The following WNK2 variants were observed in gnomAD, a reference collection of about 807,000 sequenced individuals.
WNK2 encodes the protein WNK lysine deficient protein kinase 2.
A neutral mutation model predicts 192.1 loss-of-function variants in WNK2; 67 were observed. The observed-to-expected ratio is 0.35, with a 90% confidence interval of 0.29 to 0.43. WNK2 has a LOEUF of 0.43. Among genes scored for constraint, WNK2 ranks in the 20% least tolerant of loss-of-function variants. The pLI is 1.00. For missense variants in WNK2, 2,698 were observed against 3,089.7 expected (o/e 0.87, Z 3.01); for synonymous variants, 1,439 against 1,393.9 (o/e 1.03, Z -0.72).
Position 93,293,092 on chromosome 9 carries a change from A to C in WNK2, c.5627A>C (p.Gln1876Pro). ...PTISVTSFHSQSSYISSDNDS... is the reference protein window; with the variant it reads ...PTISVTSFHSPSSYISSDNDS... ...ATCAGCGTGACCTCCTTCCATTCCC[A>C]GTCGTCCTACATCAGCAGCGACAAT... Residue 1876 changes from glutamine (Q) to proline (P), a missense_variant, in exon 23 of 30, where the codon CAG (glutamine) becomes CCG (proline). Gln to Pro is a moderately conservative substitution (Grantham distance 76). This residue lies in a region of WNK2 where 1,098 missense variants were observed against 1,101.0 expected (regional missense o/e 1.00). Coordinates refer to ENST00000427277, the MANE Select transcript of WNK2 (RefSeq NM_006648.4). The C allele has an allele frequency of 6.2e-7, 1 of 1,606,880 alleles. No individual in the cohort carries two copies. Among genetic ancestry groups the C allele is most frequent in the Non-Finnish European group, 8.5e-7 (1 of 1,177,170 alleles).
At chr9:93,291,114 A>T (rs544199554) in intron 21 of WNK2, among the ~76,000 whole-genome samples, 7 of 152,154 alleles carry the variant, frequency 4.6e-5, no homozygotes, top group Non-Finnish European at 1.0e-4. Context: ...AGAACTGGTG[A>T]TGTTTAGCCT....
At chr9:93,312,534 C>T (rs560327049) in intron 28 of WNK2, among the ~76,000 whole-genome samples, 25 of 152,164 alleles carry the variant, frequency 1.6e-4, no homozygotes, top group Non-Finnish European at 2.9e-4. Context: ...ACCACCATGC[C>T]CAGCTAATTA....
At chr9:93,269,675 A>T (rs1845744461) in intron 19 of WNK2, among the ~76,000 whole-genome samples, 1 of 152,168 alleles carries the variant, frequency 6.6e-6, no homozygotes, top group Admixed American at 6.5e-5. Context: ...TTATAAGAAA[A>T]ACCCTCCTAA....
intron 2 of WNK2, among the ~76,000 whole-genome samples, chr9:93,191,577 A>G (rs1830334618): frequency 6.6e-6 from 1 of 152,084 alleles, no homozygotes; most frequent in Non-Finnish European, 1.5e-5. Context: ...GGATGAGGGT[A>G]GAGGCAGGGG....
chr9:93,256,990 G>A lies in WNK2; in HGVS notation c.2233G>A (p.Ala745Thr). ...AQPTPLPQVLAPQPVVPLQPV... is the reference protein window; with the variant it reads ...AQPTPLPQVLTPQPVVPLQPV... ...GCCGACACCCCTGCCGCAGGTCCTGGCCCCACAGCCCGTGGTCCCCCTCCA... is the reference window on the plus strand; with the variant it reads ...GCCGACACCCCTGCCGCAGGTCCTGACCCCACAGCCCGTGGTCCCCCTCCA... The change falls in exon 11 of 30, where the codon GCC becomes ACC. Residue 745 changes from alanine (A) to threonine (T), a missense_variant. By Grantham distance (58) the Ala-to-Thr change is moderately conservative. Transcript: ENST00000427277. The A allele has an allele frequency of 1.9e-6, 3 of 1,595,376 alleles. No homozygotes were observed. Among genetic ancestry groups the A allele is most frequent in the Middle Eastern group, 1.7e-4 (1 of 5,990 alleles).
chr9:93,270,646 G>T (rs575084487), intron 19 of WNK2, among the ~76,000 whole-genome samples: 12 of 152,284 alleles, frequency 7.9e-5, no homozygotes, highest in African/African-American at 2.6e-4. Flanking sequence ...CTCCAGGAGA[G>T]ATCCTGTAGT....
chr9:93,213,706 T>G (rs1835188845), intron 2 of WNK2, among the ~76,000 whole-genome samples: 1 of 152,270 alleles, frequency 6.6e-6, no homozygotes, highest in African/African-American at 2.4e-5. Flanking sequence ...GGAGAATCGC[T>G]TGAACCCAGG....
In WNK2 at chr9:93,261,819, G is replaced by C; in HGVS notation, c.3072G>C (p.Leu1024=). Reference sequence around the variant, plus strand: ...CTTGTCCCCTGTGCCCCCAGATTCTGCTTGGCCACCCAGCTCCCTATGCTG... The same window carrying C: ...CTTGTCCCCTGTGCCCCCAGATTCTCCTTGGCCACCCAGCTCCCTATGCTG... ...APAATPGSQI[L]LGHPAPYAVD... is the part of the protein sequence containing the mutation. Residue 1024 remains leucine (L), a synonymous_variant, in exon 13 of 30, where the codon CTG becomes CTC. Transcript: ENST00000427277. 1 of 1,586,716 alleles carries C rather than the reference G, an allele frequency of 6.3e-7. No homozygotes were observed. Among genetic ancestry groups the C allele is most frequent in the Non-Finnish European group, 8.5e-7 (1 of 1,170,014 alleles).
At chr9:93,273,658 A>G (rs1846323088) in intron 19 of WNK2, among the ~76,000 whole-genome samples, 1 of 152,346 alleles carries the variant, frequency 6.6e-6, no homozygotes, top group East Asian at 1.9e-4. Context: ...TGAAAACACT[A>G]TCAACTAACT....
chr9:93,244,754 C>T lies in WNK2; in HGVS notation c.1543-2789C>T, dbSNP rs140420911. ...AGGTCTGGCTGGCTGTGCATACCTG[C>T]GCCCAGGTGCCAGTGACAGGGACAC... On this transcript the variant is annotated intron_variant, in intron 7 of 29. Transcript: ENST00000427277. Among the ~76,000 whole-genome samples the T allele has an allele frequency of 3.7e-3, 564 of 152,348 alleles. 3 individuals are homozygous for T. Among genetic ancestry groups the T allele is most frequent in the African/African-American group, 0.013 (545 of 41,570 alleles).
intron 23 of WNK2, among the ~76,000 whole-genome samples, chr9:93,295,887 CAACTCACTTT>C: frequency 6.9e-6 from 1 of 145,144 alleles, no homozygotes; most frequent in African/African-American, 2.6e-5. Flanking sequence ...TCTCCATCCT[CAACTCACTTT>C]CCTCCTCTCT....
At chr9:93,278,586 A>G (rs368716795) in intron 19 of WNK2, among the ~76,000 whole-genome samples, 7 of 152,238 alleles carry the variant, frequency 4.6e-5, no homozygotes, top group Non-Finnish European at 7.3e-5. Context: ...AGAAGATCCA[A>G]TTGTTTCAAG....
chr9:93,210,199 C>T (rs1234794786), intron 2 of WNK2, among the ~76,000 whole-genome samples: 1 of 152,058 alleles, frequency 6.6e-6, no homozygotes, highest in African/African-American at 2.4e-5. Flanking sequence ...GCGTTCCCAC[C>T]CCAGGGATGT....
chr9:93,281,807 T>A (rs982819175), intron 19 of WNK2, among the ~76,000 whole-genome samples: 1 of 152,208 alleles, frequency 6.6e-6, no homozygotes, highest in South Asian at 2.1e-4. Flanking sequence ...AGCCCCTGTC[T>A]CAGTACAGAT....
intron 2 of WNK2, among the ~76,000 whole-genome samples, chr9:93,208,814 T>C (rs552105347): frequency 3.6e-4 from 2 of 5,626 alleles, no homozygotes; most frequent in Admixed American, 6.0e-3. Context: ...GTTCTGTGTA[T>C]GTGCATGTTC....
Position 93,293,142 on chromosome 9 carries a change from A to G in WNK2, c.5677A>G (p.Ile1893Val), listed in dbSNP as rs1277462407. Residue 1893 changes from isoleucine to valine, a missense_variant, in exon 23 of 30, where the codon ATA becomes GTA. Transcript: ENST00000427277. ...TGATTCGGAGCTCGAGGATGCTGACATAAAGAAGGAGCTGCAGAGTCTGCG... is the reference window on the plus strand; with the variant it reads ...TGATTCGGAGCTCGAGGATGCTGACGTAAAGAAGGAGCTGCAGAGTCTGCG... ...DNDSELEDAD[I>V]KKELQSLREK... 20 of 1,561,596 alleles carry G rather than the reference A, an allele frequency of 1.3e-5. No homozygotes were observed. Among genetic ancestry groups the G allele is most frequent in the African/African-American group, 4.1e-5 (3 of 73,296 alleles).
At chr9:93,202,012 G>A (rs1299255016) in intron 2 of WNK2, among the ~76,000 whole-genome samples, 1 of 152,230 alleles carries the variant, frequency 6.6e-6, no homozygotes, top group Non-Finnish European at 1.5e-5. Flanking sequence ...AACCAGGCTG[G>A]GCCGGTGAGG....
intron 2 of WNK2, among the ~76,000 whole-genome samples, chr9:93,209,905 G>T (rs962002694): frequency 6.6e-6 from 1 of 152,156 alleles, no homozygotes; most frequent in Non-Finnish European, 1.5e-5. Flanking sequence ...GGATTGGTGG[G>T]ACACCCCCAG....
rs150000189 is a variant in WNK2, at chr9:93,254,849, G to C, written c.2035-1450G>C. ...AGAAAAGGCTACTTGCTGCTCCAGA[G>C]TGGTGGTTCTTGGCTTTGAGGATTG... On this transcript the variant is annotated intron_variant, in intron 9 of 29. Transcript: ENST00000427277. Among the ~76,000 whole-genome samples, 193 of 152,302 alleles carry C rather than the reference G, an allele frequency of 1.3e-3. 5 individuals carry two copies. The East Asian group carries it at 0.033, about 26-fold the overall frequency.
Sources: gnomAD v4.1 joint callset for allele counts (sites outside exome capture counted in the v4.1 genomes callset) on GRCh38, gnomAD v4.1.1 for gene constraint, gnomAD v4.1.1 regional missense constraint, MANE v1.5 for transcripts, NCBI Gene and HGNC (gene_info 2026-07-23, HGNC 2026-07-21) for gene names.